LSAMP: variants seen among roughly 807,000 people sequenced by gnomAD.
The protein encoded by LSAMP is limbic system associated membrane protein, also known as limbic system-associated membrane protein.
In LSAMP, 7 loss-of-function variants were observed where a neutral mutation model predicts 38.6. The ratio of observed to expected loss-of-function variants is 0.18; its 90% CI spans 0.10 to 0.34. The LOEUF (loss-of-function observed/expected upper bound fraction) is 0.34, where lower values mean the gene tolerates loss of function less well. LSAMP is among the 10% of genes least tolerant of loss of function. The probability of loss-of-function intolerance (pLI) is 1.00; values close to 1 mark genes in which losing one functional copy is unlikely to be tolerated. For synonymous variants in LSAMP, 154 were observed against 166.8 expected, an observed-to-expected ratio of 0.92 and a Z score of 0.59; for missense variants, 313 against 420.0, an observed-to-expected ratio of 0.75 and a Z score of 2.23.
chr3:116,050,522 G>A (rs1559722897), intron 2 of LSAMP, among the ~76,000 whole-genome samples: 1 of 122,946 alleles, frequency 8.1e-6, no homozygotes, highest in Non-Finnish European at 1.7e-5. Flanking sequence ...GGTCCTTGGG[G>A]AAATTAGGGG....
At chr3:116,118,448 C>T (rs1362408140) in intron 1 of LSAMP, among the ~76,000 whole-genome samples, 1 of 152,190 alleles carries the variant, frequency 6.6e-6, no homozygotes, top group African/African-American at 2.4e-5. Context: ...TTTACTCATC[C>T]ATCTGCCCTA....
intron 4 of LSAMP, among the ~76,000 whole-genome samples, chr3:115,846,345 T>C (rs1383151898): frequency 2.0e-5 from 3 of 152,118 alleles, no homozygotes; most frequent in African/African-American, 7.2e-5. Flanking sequence ...ACATCACCAA[T>C]AACAAGACTC....
At chr3:116,082,853 A>AAAG (rs1707902383) in intron 2 of LSAMP, among the ~76,000 whole-genome samples, 1 of 152,104 alleles carries the variant, frequency 6.6e-6, no homozygotes, top group Non-Finnish European at 1.5e-5. Flanking sequence ...TTATGAACAC[A>AAAG]AAGAAGGAAA....
intron 1 of LSAMP, among the ~76,000 whole-genome samples, chr3:116,369,413 A>C (rs1192143281): frequency 6.6e-6 from 1 of 152,174 alleles, no homozygotes; most frequent in African/African-American, 2.4e-5. Flanking sequence ...TCCAGAAAAT[A>C]TTTTTATGTA....
chr3:116,185,030 C>CTTTTTTTTTTTTTTTTTTTTTTTT (rs368314567), intron 1 of LSAMP, among the ~76,000 whole-genome samples: 1 of 117,762 alleles, frequency 8.5e-6, no homozygotes, highest in Non-Finnish European at 1.8e-5. Flanking sequence ...TTCTTTCTTT[C>CTTTTTTTTTTTTTTTTTTTTTTTT]TTTTTTTTTT....
intron 1 of LSAMP, among the ~76,000 whole-genome samples, chr3:116,355,036 A>G (rs2107770454): frequency 6.6e-6 from 1 of 152,292 alleles, no homozygotes; most frequent in African/African-American, 2.4e-5. Context: ...AGTGATTCAA[A>G]TAAGTAGCTC....
At chr3:115,905,768 C>CCATTGCATTGG (rs1559875214) in intron 3 of LSAMP, among the ~76,000 whole-genome samples, 1 of 152,110 alleles carries the variant, frequency 6.6e-6, no homozygotes, top group Non-Finnish European at 1.5e-5. Context: ...GCATTGGTAC[C>CCATTGCATTGG]TACAGTTCCC....
At position 115,977,779 on chromosome 3, in the gene LSAMP, T is replaced by C. The variant is rs1156532594; in HGVS notation, c.514+41736A>G. Among the ~76,000 whole-genome samples, 6 of 152,076 alleles carry C rather than the reference T, an allele frequency of 3.9e-5. No individual in the cohort carries two copies. In the East Asian group the frequency reaches 1.2e-3, roughly 29 times the overall value. ...GTCTTTTCCTCTGTCTCTCTTTTTC[T>C]TTCTTTCAGATTTAAATATGAATAG... On this transcript the variant is annotated intron_variant, in intron 3 of 6. Transcript: ENST00000490035.
chr3:116,382,039 C>A (rs537648218), intron 1 of LSAMP, among the ~76,000 whole-genome samples: 3 of 152,028 alleles, frequency 2.0e-5, no homozygotes, highest in African/African-American at 7.3e-5. Flanking sequence ...TGTGGAGAAA[C>A]AGGAATACTT....
intron 1 of LSAMP, among the ~76,000 whole-genome samples, chr3:116,125,934 A>T (rs1322197475): frequency 6.6e-6 from 1 of 152,206 alleles, no homozygotes; most frequent in Non-Finnish European, 1.5e-5. Context: ...ACACGTTAAG[A>T]GATATATCAC....
chr3:116,350,801 A>C (rs957774605), intron 1 of LSAMP, among the ~76,000 whole-genome samples: 3 of 151,978 alleles, frequency 2.0e-5, no homozygotes, highest in African/African-American at 7.2e-5. Context: ...GGTAAGAAAA[A>C]ATCTTCTATC....
intron 2 of LSAMP, among the ~76,000 whole-genome samples, chr3:116,041,497 G>A (rs1317008355): frequency 6.6e-6 from 1 of 151,676 alleles, no homozygotes; most frequent in Non-Finnish European, 1.5e-5. Context: ...CCTTTTGCAA[G>A]TAAATGATTG....
chr3:116,147,884 T>C (rs73140921), intron 1 of LSAMP, among the ~76,000 whole-genome samples: 23,454 of 151,870 alleles, frequency 0.15, 2,219 homozygotes, highest in Admixed American at 0.21. Context: ...AATTGCAAAA[T>C]AGGAAAAATG....
chr3:116,068,412 T>G (rs1032441743), intron 2 of LSAMP, among the ~76,000 whole-genome samples: 3 of 152,118 alleles, frequency 2.0e-5, no homozygotes, highest in African/African-American at 4.8e-5. Flanking sequence ...CCTGTAGGCC[T>G]GCTTTGGGTC....
intron 1 of LSAMP, among the ~76,000 whole-genome samples, chr3:116,315,460 A>T (rs1056512032): frequency 3.9e-5 from 6 of 152,186 alleles, no homozygotes; most frequent in African/African-American, 1.4e-4. Flanking sequence ...TAAATGGAAA[A>T]AAAAAGCTGT....
chr3:116,369,498 A>G (rs1299512063), intron 1 of LSAMP, among the ~76,000 whole-genome samples: 2 of 152,194 alleles, frequency 1.3e-5, no homozygotes, highest in Non-Finnish European at 2.9e-5. Flanking sequence ...GATATAAAGT[A>G]TAGAAATATG....
chr3:116,027,451 A>G (rs1413458544), intron 2 of LSAMP, among the ~76,000 whole-genome samples: 4 of 152,138 alleles, frequency 2.6e-5, no homozygotes, highest in African/African-American at 7.2e-5. Context: ...GTGTTATTTC[A>G]TATTCTTCCA....
At chr3:116,380,509 C>G (rs2048545182) in intron 1 of LSAMP, among the ~76,000 whole-genome samples, 1 of 151,948 alleles carries the variant, frequency 6.6e-6, no homozygotes, top group Admixed American at 6.6e-5. Context: ...GCCCACTTCA[C>G]ACTCCCTACC....
chr3:115,904,505 T>C (rs985629039), intron 3 of LSAMP, among the ~76,000 whole-genome samples: 1 of 152,052 alleles, frequency 6.6e-6, no homozygotes, highest in Non-Finnish European at 1.5e-5. Context: ...ATACAACTCC[T>C]GCGTTTATAA....
Sources: gnomAD v4.1 joint callset for allele counts (sites outside exome capture counted in the v4.1 genomes callset) on GRCh38, gnomAD v4.1.1 for gene constraint, MANE v1.5 for transcripts, NCBI Gene and HGNC (gene_info 2026-07-23, HGNC 2026-07-21) for gene names.